The following NYAP2 variants were observed in gnomAD, a reference collection of about 807,000 sequenced individuals.
NYAP2 encodes neuronal tyrosine-phosphorylated phosphoinositide-3-kinase adapter 2.
In NYAP2, 23 loss-of-function variants were observed where a neutral mutation model predicts 50.4. The observed-to-expected ratio is 0.46, with a 90% CI of 0.33 to 0.65. The LOEUF (loss-of-function observed/expected upper bound fraction) is 0.65, where lower values mean the gene tolerates loss of function less well. Ranked by LOEUF, NYAP2 falls within the 30% of genes least tolerant of loss-of-function variation. The pLI, the probability that NYAP2 is intolerant of heterozygous loss-of-function variation, is 0.02. For synonymous variants in NYAP2, 394 were observed against 365.2 expected (o/e 1.08, Z -0.90); for missense variants, 885 against 861.0 (o/e 1.03, Z -0.35).
chr2:225,502,166 G>A (rs939489290), intron 3 of NYAP2, among the ~76,000 whole-genome samples: 2 of 152,180 alleles, frequency 1.3e-5, no homozygotes, highest in African/African-American at 2.4e-5. Context: ...AAATCTGGCA[G>A]CACTGTAGAG....
chr2:225,634,801 T>G (rs1052465768), intron 6 of NYAP2, among the ~76,000 whole-genome samples: 2 of 152,104 alleles, frequency 1.3e-5, no homozygotes, highest in African/African-American at 4.8e-5. Flanking sequence ...GGTCACTACA[T>G]TAAAGATTGA....
intron 3 of NYAP2, among the ~76,000 whole-genome samples, chr2:225,486,553 A>T (rs763171383): frequency 1.2e-4 from 18 of 152,156 alleles, no homozygotes; most frequent in Admixed American, 3.3e-4. Flanking sequence ...TCTGCTTCCA[A>T]ATCCCACTGA....
At chr2:225,660,350 G>C in the NYAP2 span, among the ~76,000 whole-genome samples, 1 of 151,674 alleles carries the variant, frequency 6.6e-6, no homozygotes, top group Non-Finnish European at 1.5e-5. Context: ...TTTGAATTAA[G>C]GTAGGAGAAA....
intron 4 of NYAP2, among the ~76,000 whole-genome samples, chr2:225,538,094 G>T (rs778460761): frequency 6.6e-6 from 1 of 152,180 alleles, no homozygotes; most frequent in Admixed American, 6.5e-5. Context: ...GCATGGTACA[G>T]CCTCCCTCCT....
chr2:225,689,347 T>C, the NYAP2 span, among the ~76,000 whole-genome samples: 5 of 152,204 alleles, frequency 3.3e-5, no homozygotes, highest in African/African-American at 1.2e-4. Flanking sequence ...ATGAGTGACT[T>C]TTATGTAATT....
intron 4 of NYAP2, among the ~76,000 whole-genome samples, chr2:225,569,863 C>A (rs1327407993): frequency 1.3e-5 from 2 of 152,128 alleles, no homozygotes; most frequent in Non-Finnish European, 2.9e-5. Context: ...TTTAGCATAA[C>A]CTCCCACTGA....
intron 3 of NYAP2, among the ~76,000 whole-genome samples, chr2:225,498,872 T>C (rs1176463691): frequency 6.6e-6 from 1 of 152,154 alleles, no homozygotes; most frequent in Non-Finnish European, 1.5e-5. Context: ...GAGATGGCAA[T>C]GACATTGGCT....
intron 3 of NYAP2, among the ~76,000 whole-genome samples, chr2:225,490,642 A>T (rs550168111): frequency 6.6e-6 from 1 of 152,340 alleles, no homozygotes; most frequent in South Asian, 2.1e-4. Flanking sequence ...ATCCAAATCC[A>T]GGATTACCAA....
intron 4 of NYAP2, among the ~76,000 whole-genome samples, chr2:225,566,654 C>T (rs1456654548): frequency 1.3e-5 from 2 of 152,210 alleles, no homozygotes; most frequent in Non-Finnish European, 2.9e-5. Flanking sequence ...AACTTCCTTT[C>T]ACTGTAGGTA....
chr2:225,515,892 G>A (rs1690922893), intron 4 of NYAP2, among the ~76,000 whole-genome samples: 1 of 152,124 alleles, frequency 6.6e-6, no homozygotes, highest in East Asian at 1.9e-4. Context: ...CAAGAATAAA[G>A]GGGAATAAAA....
intron 4 of NYAP2, among the ~76,000 whole-genome samples, chr2:225,572,870 T>C (rs186172361): frequency 6.6e-6 from 1 of 152,180 alleles, no homozygotes; most frequent in East Asian, 1.9e-4. Context: ...GGTCTTAAGG[T>C]TTTCCATCCT....
the NYAP2 span, among the ~76,000 whole-genome samples, chr2:225,690,706 T>C: frequency 6.6e-6 from 1 of 152,100 alleles, no homozygotes; most frequent in Non-Finnish European, 1.5e-5. Flanking sequence ...AACTGACATA[T>C]TTAGAATAGA....
intron 3 of NYAP2, among the ~76,000 whole-genome samples, chr2:225,450,215 A>G (rs930317803): frequency 6.6e-6 from 1 of 152,076 alleles, no homozygotes; most frequent in Admixed American, 6.6e-5. Flanking sequence ...CATAGACTGG[A>G]GTGTGTGAGG....
chr2:225,622,555 TTCTTTTTCTTTC>T (rs1559232907), intron 5 of NYAP2, among the ~76,000 whole-genome samples: 16 of 36,762 alleles, frequency 4.4e-4, no homozygotes, highest in Non-Finnish European at 7.6e-4. Context: ...CTTTCTTTCT[TTCTTTTTCTTTC>T]TTTCTTTCTT....
intron 3 of NYAP2, among the ~76,000 whole-genome samples, chr2:225,436,256 C>A (rs1379142056): frequency 6.6e-6 from 1 of 152,126 alleles, no homozygotes; most frequent in Non-Finnish European, 1.5e-5. Context: ...AATAAAGTAC[C>A]ACAAACCAAT....
At chr2:225,614,616 A>T (rs537158347) in intron 5 of NYAP2, among the ~76,000 whole-genome samples, 3 of 152,310 alleles carry the variant, frequency 2.0e-5, no homozygotes, top group Non-Finnish European at 4.4e-5. Flanking sequence ...TTGTCAACCT[A>T]ATTTCTCTAT....
intron 4 of NYAP2, among the ~76,000 whole-genome samples, chr2:225,560,064 G>T (rs759852018): frequency 2.8e-4 from 42 of 151,976 alleles, no homozygotes; most frequent in Non-Finnish European, 5.3e-4. Context: ...TATTACATAT[G>T]CAAAAAAGAA....
chr2:225,571,782 T>C (rs1210016420), intron 4 of NYAP2, among the ~76,000 whole-genome samples: 1 of 152,268 alleles, frequency 6.6e-6, no homozygotes, highest in Non-Finnish European at 1.5e-5. Context: ...TGGCTCCTTG[T>C]TACTTATGCA....
the NYAP2 span, among the ~76,000 whole-genome samples, chr2:225,673,790 A>G: frequency 1.3e-5 from 2 of 152,102 alleles, no homozygotes; most frequent in Non-Finnish European, 2.9e-5. Context: ...TAAAACAAGA[A>G]CATTCAGCCT....
Sources: gnomAD v4.1 joint callset for allele counts (sites outside exome capture counted in the v4.1 genomes callset) on GRCh38, gnomAD v4.1.1 for gene constraint, MANE v1.5 for transcripts, NCBI Gene and HGNC (gene_info 2026-07-23, HGNC 2026-07-21) for gene names.